The following FBLN7 variants were observed in gnomAD, a reference collection of about 807,000 sequenced individuals.
FBLN7 encodes fibulin-7.
In FBLN7, 31 loss-of-function variants were observed where a neutral mutation model predicts 44.0. That is an observed-to-expected ratio of 0.70 (90% confidence interval 0.53 to 0.95). The LOEUF is 0.95. Ranked by LOEUF, FBLN7 falls within the 40% of genes least tolerant of loss-of-function variation. FBLN7 has a pLI of 0.00. For missense variants in FBLN7, 573 were observed against 618.5 expected, an observed-to-expected ratio of 0.93 and a Z score of 0.78; for synonymous variants, 262 against 253.4, an observed-to-expected ratio of 1.03 and a Z score of -0.32.
the FBLN7 span, among the ~76,000 whole-genome samples, chr2:112,197,932 A>C: frequency 6.6e-6 from 1 of 152,184 alleles, no homozygotes; most frequent in Admixed American, 6.5e-5. Context: ...TACTCACTTC[A>C]GCAGTAAAAA....
chr2:112,154,441 C>T (rs558159402), intron 1 of FBLN7, among the ~76,000 whole-genome samples: 2 of 152,192 alleles, frequency 1.3e-5, no homozygotes, highest in Non-Finnish European at 1.5e-5. Flanking sequence ...GGAACACGCT[C>T]TGTCCTTCCT....
the FBLN7 span, among the ~76,000 whole-genome samples, chr2:112,225,544 CA>C: frequency 1.3e-5 from 2 of 152,220 alleles, no homozygotes; most frequent in Non-Finnish European, 2.9e-5. Context: ...TGGCCAGGCA[CA>C]GTGGCTCATG....
At chr2:112,231,023 A>G in the FBLN7 span, 1 of 944,244 alleles carries the variant, frequency 1.1e-6, no homozygotes, top group Non-Finnish European at 1.4e-6. Flanking sequence ...TCATATTCAT[A>G]ACTTTCAAAT....
At chr2:112,185,110 T>C (rs1683202691) in intron 6 of FBLN7, 91 bp from the exon 7 acceptor site, 1 of 1,521,702 alleles carries the variant, frequency 6.6e-7, no homozygotes, top group African/African-American at 1.4e-5. Context: ...GAGCACCACA[T>C]TACAGGACCT....
the FBLN7 span, among the ~76,000 whole-genome samples, chr2:112,232,487 TCTTATAA>T: frequency 6.6e-6 from 1 of 152,114 alleles, no homozygotes; most frequent in Non-Finnish European, 1.5e-5. Context: ...TCATATCCAT[TCTTATAA>T]TAGAGTACAG....
rs1331126526 is a variant in FBLN7 at position 112,168,178 on chromosome 2, G to A, written c.406+3007G>A. Among the ~76,000 whole-genome samples the A allele has an allele frequency of 2.6e-5, 4 of 152,142 alleles. 1 individual carries two copies. The highest frequency in any genetic ancestry group is 7.2e-5 in the African/African-American group (3 of 41,416). ...TTCATTCCAGATGCACCTTGTGCTC[G>A]TCTCTCATCTCCCCATAGCCTCCTG... On this transcript the variant is annotated intron_variant, in intron 3 of 7. Coordinates refer to ENST00000331203, the MANE Select transcript of FBLN7 (RefSeq NM_153214.3).
intron 6 of FBLN7, among the ~76,000 whole-genome samples, 163 bp from the exon 7 acceptor site, chr2:112,185,038 C>T (rs186837218): frequency 3.3e-5 from 5 of 151,942 alleles, no homozygotes; most frequent in Non-Finnish European, 4.4e-5. Context: ...TCCTCAGGGC[C>T]CTGATTCCAC....
At chr2:112,169,741 A>G (rs1008728650) in intron 3 of FBLN7, among the ~76,000 whole-genome samples, 2 of 152,188 alleles carry the variant, frequency 1.3e-5, no homozygotes, top group Non-Finnish European at 2.9e-5. Flanking sequence ...AAAGCAAAGC[A>G]GGCAGCCACA....
At chr2:112,170,196 C>T (rs959758688) in intron 3 of FBLN7, among the ~76,000 whole-genome samples, 4 of 151,414 alleles carry the variant, frequency 2.6e-5, no homozygotes, top group Admixed American at 2.0e-4. Context: ...GAGCTGAGAT[C>T]GCACCATTGC....
chr2:112,172,799 A>AT (rs1199430363), intron 3 of FBLN7, among the ~76,000 whole-genome samples: 2 of 151,588 alleles, frequency 1.3e-5, no homozygotes, highest in Non-Finnish European at 2.9e-5. Context: ...TGCCCGGCTA[A>AT]TTTTTTGTAT....
chr2:112,175,758 TGTGTAGAA>T lies in FBLN7; in HGVS notation c.453_460del (p.Cys151TrpfsTer76), dbSNP rs1682709941. 8.1e-6 allele frequency: 13 copies of T among 1,614,166 alleles called. No individual in the cohort carries two copies. The highest frequency in any genetic ancestry group is 1.1e-5 in the Non-Finnish European group (13 of 1,180,016). ...CCAGCCTTGTCAAAATGGTGGTACA[TGTGTAGAA>T]GGAGTCAACCAGTACAGATGCATTT... is the stretch of plus-strand genomic sequence containing the variant. On this transcript the variant is annotated frameshift_variant, in exon 4 of 8. Transcript: ENST00000331203. LOFTEE classifies it high-confidence loss of function.
At chr2:112,239,782 AC>A in the FBLN7 span, among the ~76,000 whole-genome samples, 2 of 151,838 alleles carry the variant, frequency 1.3e-5, no homozygotes, top group Non-Finnish European at 2.9e-5. Flanking sequence ...ACAGGGTTTC[AC>A]CCTATTGGCC....
chr2:112,154,578 G>A (rs965038511), intron 1 of FBLN7, among the ~76,000 whole-genome samples: 2 of 152,180 alleles, frequency 1.3e-5, no homozygotes, highest in Non-Finnish European at 2.9e-5. Flanking sequence ...GTTGGGACCT[G>A]GAACCCTGAG....
At chr2:112,152,865 T>C (rs924128092) in intron 1 of FBLN7, 1 of 152,234 alleles carries the variant, frequency 6.6e-6, no homozygotes, top group Non-Finnish European at 1.5e-5. Flanking sequence ...CACAACTGCG[T>C]GACAATCCCT....
the FBLN7 span, among the ~76,000 whole-genome samples, chr2:112,199,184 C>T: frequency 2.0e-5 from 3 of 152,104 alleles, no homozygotes; most frequent in Admixed American, 6.5e-5. Context: ...CAAGGCGGTC[C>T]CCCTGAGAAA....
the FBLN7 span, chr2:112,231,743 A>T: frequency 3.2e-6 from 2 of 627,434 alleles, no homozygotes; most frequent in Non-Finnish European, 5.2e-6. Flanking sequence ...CTAACCTAAG[A>T]GGCACTCTCC....
At chr2:112,178,697 C>T (rs1682847381) in intron 4 of FBLN7, among the ~76,000 whole-genome samples, 1 of 152,178 alleles carries the variant, frequency 6.6e-6, no homozygotes, top group African/African-American at 2.4e-5. Flanking sequence ...GTTGATTCAA[C>T]ATATAAAAAT....
intron 1 of FBLN7, among the ~76,000 whole-genome samples, chr2:112,141,381 G>T (rs1298913024): frequency 6.6e-6 from 1 of 152,230 alleles, no homozygotes; most frequent in Non-Finnish European, 1.5e-5. Context: ...CCTGGCCAGA[G>T]ACTGACTTCC....
chr2:112,216,737 G>A, the FBLN7 span, among the ~76,000 whole-genome samples: 3 of 148,172 alleles, frequency 2.0e-5, no homozygotes, highest in East Asian at 3.9e-4. Context: ...CTCAGACATG[G>A]CAAACAAGAA....
Sources: allele counts gnomAD v4.1 joint callset (sites outside exome capture counted in the v4.1 genomes callset), GRCh38; gene constraint gnomAD v4.1.1; transcripts MANE v1.5; gene names NCBI Gene and HGNC (gene_info 2026-07-23, HGNC 2026-07-21).